The following CMIP variants were observed in gnomAD, a reference collection of about 807,000 sequenced individuals.
The protein encoded by CMIP is c-Maf inducing protein, also known as C-Maf-inducing protein.
Under a neutral mutation model 97.3 loss-of-function variants are expected in CMIP, and 13 were observed. The observed-to-expected ratio is 0.13, with a 90% CI of 0.09 to 0.21. The LOEUF is 0.21. CMIP is among the 10% of genes least tolerant of loss of function. CMIP has a pLI of 1.00. For synonymous variants in CMIP, 538 were observed against 436.3 expected, an observed-to-expected ratio of 1.23 and a Z score of -2.91; for missense variants, 847 against 1,024.9, an observed-to-expected ratio of 0.83 and a Z score of 2.37.
At chr16:81,650,390 G>C (rs73600407) in intron 3 of CMIP, among the ~76,000 whole-genome samples, 6,884 of 152,274 alleles carry the variant, frequency 0.045, 503 homozygotes, top group African/African-American at 0.16. Flanking sequence ...GGAAAGAAAG[G>C]TGGGCAGGTG....
intron 1 of CMIP, among the ~76,000 whole-genome samples, chr16:81,491,848 C>A (rs1020440572): frequency 6.6e-6 from 1 of 152,196 alleles, no homozygotes; most frequent in Non-Finnish European, 1.5e-5. Context: ...ATTACAGGCA[C>A]AGTGAACATG....
At chr16:81,484,624 T>A (rs1453481410) in intron 1 of CMIP, among the ~76,000 whole-genome samples, 2 of 152,164 alleles carry the variant, frequency 1.3e-5, no homozygotes, top group Admixed American at 6.5e-5. Context: ...TCCGGCTCTC[T>A]GCTGCAGTTG....
chr16:81,689,493 T>G (rs55669104), intron 10 of CMIP, among the ~76,000 whole-genome samples: 46,186 of 151,860 alleles, frequency 0.3, 7,176 homozygotes, highest in Middle Eastern at 0.38. Flanking sequence ...TCGCCCACTT[T>G]TTGATGGGGT....
At chr16:81,615,716 G>C (rs2091908591) in intron 2 of CMIP, among the ~76,000 whole-genome samples, 1 of 149,428 alleles carries the variant, frequency 6.7e-6, no homozygotes, top group African/African-American at 2.5e-5. Flanking sequence ...GTGTGTGCAT[G>C]TGTAACTGGT....
chr16:81,500,087 C>T (rs2089569090), intron 1 of CMIP, among the ~76,000 whole-genome samples: 1 of 152,166 alleles, frequency 6.6e-6, no homozygotes, highest in Non-Finnish European at 1.5e-5. Context: ...TTGGTCTCTG[C>T]TCCTCTTTCC....
intron 1 of CMIP, among the ~76,000 whole-genome samples, chr16:81,521,548 C>G (rs2150807322): frequency 6.6e-6 from 1 of 152,268 alleles, no homozygotes; most frequent in South Asian, 2.1e-4. Flanking sequence ...CTGAGTGTCT[C>G]TAAGGGTGCG....
At chr16:81,549,682 C>T (rs762026299) in intron 1 of CMIP, among the ~76,000 whole-genome samples, 11 of 152,194 alleles carry the variant, frequency 7.2e-5, no homozygotes, top group Admixed American at 2.0e-4. Flanking sequence ...CTAAAGGACA[C>T]AGGCAGCAAG....
chr16:81,711,756 T>C lies in CMIP; in HGVS notation c.*1957T>C, dbSNP rs978444039. 1 of 152,642 alleles carries C rather than the reference T, an allele frequency of 6.6e-6. No individual in the cohort carries two copies. Among genetic ancestry groups the C allele is most frequent in the Non-Finnish European group, 1.5e-5 (1 of 68,034 alleles). 9.5% of individuals were successfully genotyped at this position (152,642 alleles called of 1,614,324 possible). On this transcript the variant is annotated 3_prime_UTR_variant, in exon 21 of 21. Coordinates refer to ENST00000537098, the MANE Select transcript of CMIP (RefSeq NM_198390.3). ...CAGGCAAAAATAAACTGTAAGTGAC[T>C]CATCAATGTCTGGCCTTTGTGTGGT...
At position 81,708,062 on chromosome 16, in the gene CMIP, C is replaced by T. The variant is rs775165250; in HGVS notation, c.2268+978C>T. The stretch of plus-strand genomic sequence containing the variant: ...AGGCCCATGTCAGGGACAGGGACAC[C>T]GAGGTGTGGCTGCCACAGTCCCCTT... On this transcript the variant is annotated intron_variant, in intron 20 of 20. Transcript: ENST00000537098. 3.9e-5 allele frequency among the ~76,000 whole-genome samples: 6 copies of T among 152,202 alleles called. No individual in the cohort carries two copies. In the East Asian group the frequency reaches 5.8e-4, roughly 15 times the overall value.
chr16:81,591,268 T>G (rs146128556), intron 1 of CMIP, among the ~76,000 whole-genome samples: 141 of 152,334 alleles, frequency 9.3e-4, no homozygotes, highest in African/African-American at 3.2e-3. Context: ...TGACCCAGTA[T>G]CTGGCACACA....
At chr16:81,488,561 T>C (rs1306339141) in intron 1 of CMIP, among the ~76,000 whole-genome samples, 2 of 152,192 alleles carry the variant, frequency 1.3e-5, no homozygotes, top group African/African-American at 2.4e-5. Context: ...AGTGGATATA[T>C]GCGTCTCCTG....
chr16:81,596,780 A>G (rs921941084), intron 1 of CMIP, among the ~76,000 whole-genome samples: 3 of 152,088 alleles, frequency 2.0e-5, no homozygotes, highest in Non-Finnish European at 4.4e-5. Flanking sequence ...CATCCCAAGA[A>G]ACCCTTTAGT....
intron 7 of CMIP, among the ~76,000 whole-genome samples, chr16:81,668,247 G>C (rs956752693): frequency 5.3e-5 from 8 of 152,134 alleles, no homozygotes; most frequent in Non-Finnish European, 1.2e-4. Context: ...TTTATGGAGG[G>C]TCGGGGGCAG....
chr16:81,651,968 C>T (rs2092433545), intron 3 of CMIP, among the ~76,000 whole-genome samples: 1 of 152,098 alleles, frequency 6.6e-6, no homozygotes, highest in Non-Finnish European at 1.5e-5. Flanking sequence ...GTGAAGTGAG[C>T]CTGTGTGGGA....
intron 1 of CMIP, among the ~76,000 whole-genome samples, chr16:81,560,303 C>G (rs2090855904): frequency 6.6e-6 from 1 of 151,210 alleles, no homozygotes; most frequent in Admixed American, 6.6e-5. Flanking sequence ...GCTGCAAGCT[C>G]CGCCTCCCGG....
Position 81,654,389 on chromosome 16 carries a change from G to A in CMIP, c.639+2025G>A, listed in dbSNP as rs577258165. On this transcript the variant is annotated intron_variant, in intron 4 of 20. Coordinates refer to ENST00000537098, the MANE Select transcript of CMIP (RefSeq NM_198390.3). The stretch of plus-strand genomic sequence containing the variant: ...ACCTAGGACCAGACACCTGGCTGAG[G>A]GTGCTTCTTGGGCTTTAAAGTAAAA... 3.6e-3 allele frequency among the ~76,000 whole-genome samples: 541 copies of A among 152,262 alleles called. 3 individuals carry two copies. The highest frequency in any genetic ancestry group is 6.2e-3 in the Non-Finnish European group (420 of 68,032).
At chr16:81,593,020 T>G (rs1262624062) in intron 1 of CMIP, among the ~76,000 whole-genome samples, 1 of 152,206 alleles carries the variant, frequency 6.6e-6, no homozygotes, top group East Asian at 1.9e-4. Context: ...CCTCTTCTCA[T>G]GCCCACGAAG....
At chr16:81,466,043 G>GT (rs11308286) in intron 1 of CMIP, among the ~76,000 whole-genome samples, 86 of 150,988 alleles carry the variant, frequency 5.7e-4, no homozygotes, top group African/African-American at 1.9e-3. Flanking sequence ...GTTTTCATTT[G>GT]TTTTTTTTTT....
At chr16:81,465,004 G>C (rs533697335) in intron 1 of CMIP, 16 of 152,170 alleles carry the variant, frequency 1.1e-4, no homozygotes, top group Non-Finnish European at 1.9e-4. Context: ...TGTGGGTAAC[G>C]CTCCTGTGAA....
Sources: allele counts gnomAD v4.1 joint callset (sites outside exome capture counted in the v4.1 genomes callset), GRCh38; gene constraint gnomAD v4.1.1; transcripts MANE v1.5; gene names NCBI Gene and HGNC (gene_info 2026-07-23, HGNC 2026-07-21).